The following MDGA2 variants were observed in gnomAD, a reference collection of about 807,000 sequenced individuals.
MDGA2 encodes MAM domain containing glycosylphosphatidylinositol anchor 2, also known as MAM domain-containing glycosylphosphatidylinositol anchor protein 2.
MDGA2 carries 40 observed loss-of-function variants against 117.8 expected under a neutral mutation model. The observed-to-expected ratio is 0.34, with a 90% CI of 0.26 to 0.44. MDGA2 has a LOEUF of 0.44. Ranked by LOEUF, MDGA2 falls within the 20% of genes least tolerant of loss-of-function variation. MDGA2 has a pLI of 1.00. For missense variants in MDGA2, 1,123 were observed against 1,250.6 expected (o/e 0.90, Z 1.54); for synonymous variants, 452 against 439.0 (o/e 1.03, Z -0.37).
chr14:47,333,634 TCAA>T (rs1890355432), intron 1 of MDGA2, among the ~76,000 whole-genome samples: 1 of 151,842 alleles, frequency 6.6e-6, no homozygotes, highest in South Asian at 2.1e-4. Context: ...AGTTCCACTA[TCAA>T]CAATAGGCCA....
In MDGA2 at chr14:47,198,416, C is replaced by CA. The variant is rs201193070; in HGVS notation, c.595+19604dup. Among the ~76,000 whole-genome samples, 1,104 of 152,066 alleles carry CA rather than the reference C, an allele frequency of 7.3e-3. 17 individuals carry two copies. The highest frequency in any genetic ancestry group is 0.026 in the African/African-American group (1,058 of 41,486). ...TGAAACCCCGTCTCTACTAAAAATA[C>CA]AAAAAATTAACCGGGCTTGGTGGCA... On this transcript the variant is annotated intron_variant, in intron 3 of 16. Transcript: ENST00000399232.
chr14:46,885,603 T>A lies in MDGA2; in HGVS notation c.2239-3382A>T, dbSNP rs17683005. Among the ~76,000 whole-genome samples, 341 of 152,272 alleles carry A rather than the reference T, an allele frequency of 2.2e-3. 1 individual carries two copies. Among genetic ancestry groups the A allele is most frequent in the Non-Finnish European group, 3.9e-3 (268 of 68,022 alleles). ...AGATGTAAAACAATGAGAATCTTTG[T>A]GCATGTCAGAACCAGAGGATTGGGG... On this transcript the variant is annotated intron_variant, in intron 10 of 16. Coordinates refer to ENST00000399232, the MANE Select transcript of MDGA2 (RefSeq NM_001113498.3).
chr14:47,192,719 T>C (rs1461414634), intron 3 of MDGA2, among the ~76,000 whole-genome samples: 2 of 152,222 alleles, frequency 1.3e-5, no homozygotes, highest in Non-Finnish European at 2.9e-5. Flanking sequence ...CAAAACTCTG[T>C]TGAATTTAGC....
chr14:47,149,607 A>AT (rs1297048532), intron 3 of MDGA2, among the ~76,000 whole-genome samples: 2 of 152,200 alleles, frequency 1.3e-5, no homozygotes, highest in Admixed American at 6.5e-5. Context: ...TCACTTTAGC[A>AT]TTCCCACTTC....
chr14:47,305,277 C>T (rs1889405497), intron 1 of MDGA2: 2 of 152,140 alleles, frequency 1.3e-5, no homozygotes, highest in South Asian at 4.1e-4. Flanking sequence ...TAAAAAACCT[C>T]AATTCATCAT....
At chr14:47,007,632 T>G (rs564194056) in intron 8 of MDGA2, among the ~76,000 whole-genome samples, 2 of 151,932 alleles carry the variant, frequency 1.3e-5, no homozygotes, top group South Asian at 4.1e-4. Context: ...AATGTAACAA[T>G]GATTAGAGAA....
Position 47,059,520 on chromosome 14 carries a change from T to C in MDGA2, c.1525+1729A>G, listed in dbSNP as rs184432951. 444 of 358,916 alleles carry C rather than the reference T, an allele frequency of 1.2e-3. 1 individual carries two copies. Among genetic ancestry groups the C allele is most frequent in the Non-Finnish European group, 1.8e-3 (336 of 185,992 alleles). The allele number at this position is 358,916 out of a possible 1,614,324, so 22.2% of individuals were successfully genotyped here. On this transcript the variant is annotated intron_variant, in intron 7 of 16. Coordinates refer to ENST00000399232, the MANE Select transcript of MDGA2 (RefSeq NM_001113498.3). The stretch of plus-strand genomic sequence containing the variant: ...GTTGGTCATCTTTACTATTTTGTCA[T>C]ATATAACACATAGTTTCAAACAGGC...
At chr14:47,173,352 T>A (rs1426353489) in intron 3 of MDGA2, among the ~76,000 whole-genome samples, 1 of 152,064 alleles carries the variant, frequency 6.6e-6, no homozygotes, top group African/African-American at 2.4e-5. Flanking sequence ...AATTGTCAGA[T>A]TCACCAAAGT....
intron 6 of MDGA2, among the ~76,000 whole-genome samples, chr14:47,093,805 C>T (rs886908026): frequency 6.6e-6 from 1 of 152,056 alleles, no homozygotes; most frequent in African/African-American, 2.4e-5. Context: ...GCACTCTACA[C>T]TCTTATGCTG....
intron 3 of MDGA2, among the ~76,000 whole-genome samples, chr14:47,171,722 G>A (rs1332644068): frequency 8.5e-5 from 13 of 152,234 alleles, no homozygotes; most frequent in Admixed American, 5.2e-4. Context: ...GAGCGACACA[G>A]AAGATGGGAG....
intron 3 of MDGA2, among the ~76,000 whole-genome samples, chr14:47,215,643 A>G (rs1338058474): frequency 6.6e-6 from 1 of 152,166 alleles, no homozygotes; most frequent in East Asian, 1.9e-4. Flanking sequence ...TACTTTAAAT[A>G]TATGTTTACA....
intron 1 of MDGA2, among the ~76,000 whole-genome samples, chr14:47,365,047 A>G (rs967294046): frequency 3.9e-5 from 6 of 152,218 alleles, no homozygotes; most frequent in Non-Finnish European, 8.8e-5. Flanking sequence ...GTACAAAATA[A>G]AGTTCCTTTG....
intron 2 of MDGA2, among the ~76,000 whole-genome samples, chr14:47,266,961 G>A (rs1887985540): frequency 6.6e-6 from 1 of 152,128 alleles, no homozygotes; most frequent in South Asian, 2.1e-4. Context: ...TCTGAAGTCA[G>A]AAACTATGTC....
intron 1 of MDGA2, among the ~76,000 whole-genome samples, chr14:47,588,229 GATAGATAGAT>G (rs1472133835): frequency 2.0e-5 from 2 of 101,966 alleles, no homozygotes; most frequent in African/African-American, 8.0e-5. Context: ...ATCTCTTGGA[GATAGATAGAT>G]ATATATATAT....
At chr14:47,153,129 C>T (rs1056645133) in intron 3 of MDGA2, among the ~76,000 whole-genome samples, 2 of 152,192 alleles carry the variant, frequency 1.3e-5, no homozygotes, top group African/African-American at 4.8e-5. Context: ...AAAATCCATT[C>T]CATTACTTTT....
intron 3 of MDGA2, among the ~76,000 whole-genome samples, chr14:47,157,593 ATATGTGTG>A (rs1214154393): frequency 8.0e-6 from 1 of 125,182 alleles, no homozygotes; most frequent in African/African-American, 3.3e-5. Flanking sequence ...CTATGTACAT[ATATGTGTG>A]TGTGTGTGTG....
intron 7 of MDGA2, among the ~76,000 whole-genome samples, chr14:47,038,714 G>A (rs1031293675): frequency 6.6e-6 from 1 of 151,750 alleles, no homozygotes; most frequent in Non-Finnish European, 1.5e-5. Flanking sequence ...GAGGAGGGCA[G>A]ATCACAAAGT....
At chr14:46,950,296 A>C (rs533658667) in intron 9 of MDGA2, among the ~76,000 whole-genome samples, 1 of 151,932 alleles carries the variant, frequency 6.6e-6, no homozygotes, top group Non-Finnish European at 1.5e-5. Flanking sequence ...CTACTAAAAG[A>C]GTCACTGATA....
At chr14:47,047,062 T>G (rs560554670) in intron 7 of MDGA2, among the ~76,000 whole-genome samples, 8 of 152,304 alleles carry the variant, frequency 5.3e-5, no homozygotes, top group Admixed American at 5.2e-4. Flanking sequence ...GGGGCAAGAC[T>G]GATAAATTTG....
Sources: gnomAD v4.1 joint callset for allele counts (sites outside exome capture counted in the v4.1 genomes callset) on GRCh38, gnomAD v4.1.1 for gene constraint, MANE v1.5 for transcripts, NCBI Gene and HGNC (gene_info 2026-07-23, HGNC 2026-07-21) for gene names.